The following BEND7 variants were observed in gnomAD, a reference collection of about 807,000 sequenced individuals.
BEND7 encodes BEN domain-containing protein 7.
In BEND7, 28 loss-of-function variants were observed where a neutral mutation model predicts 50.9. The ratio of observed to expected loss-of-function variants is 0.55; its 90% CI spans 0.41 to 0.75. BEND7 has a LOEUF of 0.75. BEND7 is among the 30% of genes least tolerant of loss of function. BEND7 has a pLI of 0.00. For missense variants in BEND7, 477 were observed against 491.3 expected, an observed-to-expected ratio of 0.97 and a Z score of 0.28; for synonymous variants, 170 against 183.9, an observed-to-expected ratio of 0.92 and a Z score of 0.61.
intron 5 of BEND7, 57 bp from the exon 6 acceptor site, chr10:13,481,181 G>A (rs1252908129): frequency 1.3e-6 from 2 of 1,539,606 alleles, no homozygotes; most frequent in African/African-American, 2.8e-5. Context: ...TCTGACTTTG[G>A]GTACATGAGC....
chr10:13,451,725 A>G (rs1837765406), intron 7 of BEND7, among the ~76,000 whole-genome samples: 1 of 150,890 alleles, frequency 6.6e-6, no homozygotes, highest in Non-Finnish European at 1.5e-5. Flanking sequence ...TCGTCATTTA[A>G]CATTAGTTAT....
downstream of BEND7, chr10:13,439,011 G>C: frequency 2.9e-6 from 2 of 694,412 alleles, no homozygotes; most frequent in South Asian, 4.0e-5. Flanking sequence ...GGAAACCTCA[G>C]GTCCAACTTT....
chr10:13,443,542 A>G (rs566609633), intron 8 of BEND7: 1 of 152,594 alleles, frequency 6.6e-6, no homozygotes, highest in East Asian at 1.9e-4. Context: ...TTCACACTTA[A>G]GTCGCTAAGT....
intron 2 of BEND7, chr10:13,500,634 T>A: frequency 3.0e-6 from 3 of 986,290 alleles, no homozygotes; most frequent in Non-Finnish European, 3.6e-6. Flanking sequence ...GCTTCACTGC[T>A]GACACAATGT....
intron 7 of BEND7, among the ~76,000 whole-genome samples, chr10:13,450,570 C>T (rs1405295040): frequency 6.6e-6 from 1 of 152,114 alleles, no homozygotes; most frequent in Non-Finnish European, 1.5e-5. Context: ...GTCTGCTTGT[C>T]AGGGTTGGTT....
chr10:13,492,461 A>T, intron 5 of BEND7, 150 bp downstream of exon 5: 1 of 1,078,048 alleles, frequency 9.3e-7, no homozygotes, highest in Non-Finnish European at 1.3e-6. Context: ...AGAAAACTCC[A>T]GACAAGAAAA....
chr10:13,498,956 A>T (rs2077238771), intron 3 of BEND7, among the ~76,000 whole-genome samples: 1 of 152,214 alleles, frequency 6.6e-6, no homozygotes, highest in African/African-American at 2.4e-5. Flanking sequence ...TTCTTGAAGG[A>T]TATTGTGAAA....
At chr10:13,477,803 T>A (rs1324083266) in intron 6 of BEND7, among the ~76,000 whole-genome samples, 1 of 152,210 alleles carries the variant, frequency 6.6e-6, no homozygotes, top group Non-Finnish European at 1.5e-5. Context: ...GTCAATAAAT[T>A]AACGTCAAAG....
chr10:13,488,045 C>A (rs960886089), intron 5 of BEND7, among the ~76,000 whole-genome samples: 2 of 146,564 alleles, frequency 1.4e-5, no homozygotes, highest in South Asian at 4.3e-4. Flanking sequence ...CATGCCACTG[C>A]ACTCCAGCCT....
intron 7 of BEND7, among the ~76,000 whole-genome samples, chr10:13,451,005 GA>G (rs1409027521): frequency 6.6e-6 from 1 of 151,952 alleles, no homozygotes; most frequent in East Asian, 1.9e-4. Flanking sequence ...ATAGAGACCA[GA>G]ACTTATAATA....
chr10:13,442,823 T>G (rs1450207254), intron 8 of BEND7: 1 of 152,192 alleles, frequency 6.6e-6, no homozygotes, highest in East Asian at 1.9e-4. Flanking sequence ...AATGGCTATT[T>G]GGGGGGCACT....
Position 13,489,867 on chromosome 10 carries a change from G to C in BEND7, c.837+2744C>G, listed in dbSNP as rs35131911. 1.2e-4 allele frequency among the ~76,000 whole-genome samples: 19 copies of C among 152,322 alleles called. No homozygotes were observed. The South Asian group carries it at 3.1e-3, about 25-fold the overall frequency. On this transcript the variant is annotated intron_variant, in intron 5 of 8. Transcript: ENST00000466271. ...TTCCCAAGTTTATTTTGTATATTGT[G>C]CTTAATGCAAATGCAGATGTTTCCT...
chr10:13,473,271 T>G (rs1190291726), intron 6 of BEND7, among the ~76,000 whole-genome samples: 9 of 147,654 alleles, frequency 6.1e-5, no homozygotes, highest in Non-Finnish European at 1.3e-4. Context: ...AGGGCCGATA[T>G]CGTCATCGCT....
intron 5 of BEND7, among the ~76,000 whole-genome samples, chr10:13,489,483 G>A (rs922219227): frequency 6.6e-6 from 1 of 152,134 alleles, no homozygotes; most frequent in Non-Finnish European, 1.5e-5. Flanking sequence ...TTTCTTGGCT[G>A]TGTGAACTTG....
At chr10:13,473,683 C>T (rs1039328035) in intron 6 of BEND7, among the ~76,000 whole-genome samples, 18 of 150,792 alleles carry the variant, frequency 1.2e-4, no homozygotes, top group South Asian at 6.3e-4. Context: ...CTGTTGGACT[C>T]GGGGCCGACA....
At chr10:13,489,238 C>G (rs537194119) in intron 5 of BEND7, among the ~76,000 whole-genome samples, 35 of 152,310 alleles carry the variant, frequency 2.3e-4, no homozygotes, top group Admixed American at 9.2e-4. Flanking sequence ...CTAACCCAGG[C>G]AGCCTGACCT....
chr10:13,504,224 T>C (rs1049703377), intron 2 of BEND7, among the ~76,000 whole-genome samples: 29 of 152,278 alleles, frequency 1.9e-4, no homozygotes, highest in African/African-American at 6.7e-4. Context: ...GCAGTGTTAG[T>C]GTGGGACAGG....
chr10:13,458,822 A>AT (rs1200648374), intron 6 of BEND7, among the ~76,000 whole-genome samples: 2 of 152,068 alleles, frequency 1.3e-5, no homozygotes, highest in East Asian at 3.9e-4. Flanking sequence ...CCGCCCACAC[A>AT]TCTGAGTGAG....
chr10:13,448,482 C>T (rs964915008), intron 7 of BEND7, among the ~76,000 whole-genome samples: 2 of 152,124 alleles, frequency 1.3e-5, no homozygotes, highest in African/African-American at 4.8e-5. Flanking sequence ...ACTAGTGCTA[C>T]GTACTTGTTT....
Sources: gnomAD v4.1 joint callset for allele counts (sites outside exome capture counted in the v4.1 genomes callset) on GRCh38, gnomAD v4.1.1 for gene constraint, MANE v1.5 for transcripts, NCBI Gene and HGNC (gene_info 2026-07-23, HGNC 2026-07-21) for gene names.